The following THRB variants were observed in gnomAD, a reference collection of about 807,000 sequenced individuals.
The protein encoded by THRB is nuclear receptor subfamily 1 group A member 2.
Under a neutral mutation model 47.8 loss-of-function variants are expected in THRB, and 12 were observed. The observed-to-expected ratio is 0.25, with a 90% confidence interval of 0.16 to 0.41. The LOEUF (loss-of-function observed/expected upper bound fraction) is 0.41. Ranked by LOEUF, THRB falls within the 10% of genes least tolerant of loss-of-function variation. The pLI is 1.00. For synonymous variants in THRB, 218 were observed against 212.2 expected (o/e 1.03, Z -0.24); for missense variants, 348 against 589.2 (o/e 0.59, Z 4.24).
At chr3:24,271,327 C>G (rs887086241) in intron 3 of THRB, among the ~76,000 whole-genome samples, 1 of 152,108 alleles carries the variant, frequency 6.6e-6, no homozygotes, top group Non-Finnish European at 1.5e-5. Context: ...TCAGGATCAG[C>G]AGCTCAAAAA....
rs73035997 is a variant in THRB at position 24,165,115 on chromosome 3, G to C, written c.284-12625C>G. On this transcript the variant is annotated intron_variant, in intron 5 of 10. Coordinates refer to ENST00000646209, the MANE Select transcript of THRB (RefSeq NM_001354712.2). ...ATTCAGGTTGGCTGTATTGATTCAG[G>C]GCCATGTCCAAGTCAGAGTCCTTGC... is the stretch of plus-strand genomic sequence containing the variant. The C allele has an allele frequency of 5.1e-3, 3,900 of 764,988 alleles. 40 individuals are homozygous for C. Among genetic ancestry groups the C allele is most frequent in the Non-Finnish European group, 5.6e-3 (2,338 of 417,794 alleles). 47.4% of individuals were successfully genotyped at this position (764,988 alleles called of 1,614,324 possible). A position where few individuals can be genotyped will look rare whatever the true frequency, so the allele number is the denominator to read the frequency against.
At chr3:24,303,414 T>G (rs1179998030) in intron 2 of THRB, among the ~76,000 whole-genome samples, 2 of 152,136 alleles carry the variant, frequency 1.3e-5, no homozygotes, top group Non-Finnish European at 1.5e-5. Context: ...GAAGAGAATA[T>G]GTTGTGGAGT....
chr3:24,208,956 T>G (rs1002699049), intron 4 of THRB, among the ~76,000 whole-genome samples: 3 of 152,188 alleles, frequency 2.0e-5, no homozygotes, highest in Non-Finnish European at 2.9e-5. Context: ...GACAAAGGGC[T>G]AATATCCAGA....
intron 3 of THRB, among the ~76,000 whole-genome samples, chr3:24,276,837 C>T (rs1373711782): frequency 3.3e-5 from 5 of 152,272 alleles, no homozygotes; most frequent in South Asian, 2.1e-4. Flanking sequence ...CTGAATGATA[C>T]GATGTTGGAG....
At chr3:24,386,328 G>T (rs1275777877) in intron 1 of THRB, among the ~76,000 whole-genome samples, 2 of 151,906 alleles carry the variant, frequency 1.3e-5, no homozygotes, top group Non-Finnish European at 2.9e-5. Context: ...AATATTTAGG[G>T]GCCTGCTCCT....
In THRB at chr3:24,127,749, A is replaced by C. The variant is rs2033138266; in HGVS notation, c.894T>G (p.Cys298Trp). The change falls in exon 10 of 11, where the codon TGT becomes TGG. Residue 298 changes from cysteine to tryptophan, a missense_variant. Transcript: ENST00000646209. ...KKLPMFCELP[C>W]EDQIILLKGC... ...CTTTGAGGAGGATGATCTGGTCTTC[A>C]CATGGCAGCTGAAAAGAACCAGTTC... 1 of 1,614,234 alleles carries C rather than the reference A, an allele frequency of 6.2e-7. No homozygotes were observed. Among genetic ancestry groups the C allele is most frequent in the Non-Finnish European group, 8.5e-7 (1 of 1,180,036 alleles).
chr3:24,229,736 G>A (rs1302012749), intron 3 of THRB, among the ~76,000 whole-genome samples: 1 of 152,184 alleles, frequency 6.6e-6, no homozygotes, highest in East Asian at 1.9e-4. Context: ...TGATGAACCT[G>A]GGTCACAGTC....
intron 6 of THRB, among the ~76,000 whole-genome samples, chr3:24,151,988 G>C (rs946374429): frequency 5.3e-5 from 8 of 152,196 alleles, no homozygotes; most frequent in Admixed American, 1.3e-4. Flanking sequence ...GCCTGTGGTA[G>C]AGTAAACTCT....
chr3:24,285,367 G>A (rs2055160603), intron 3 of THRB, among the ~76,000 whole-genome samples: 1 of 148,070 alleles, frequency 6.8e-6, no homozygotes, highest in Non-Finnish European at 1.5e-5. Context: ...TCACTCATAG[G>A]TGGGAATTGA....
chr3:24,464,903 T>C (rs1406808488), intron 1 of THRB, among the ~76,000 whole-genome samples: 1 of 152,182 alleles, frequency 6.6e-6, no homozygotes, highest in African/African-American at 2.4e-5. Flanking sequence ...CATGCTGTTA[T>C]AGTAGTTAAG....
At position 24,360,940 on chromosome 3, in the gene THRB, C is replaced by A. The variant is rs1264317376; in HGVS notation, c.-260-23569G>T. Reference sequence around the variant, plus strand: ...CTCGAACATCAGTATTTTTGAAAAACCACCTCACGTGATTCTATTATGCAG... The same window carrying A: ...CTCGAACATCAGTATTTTTGAAAAAACACCTCACGTGATTCTATTATGCAG... On this transcript the variant is annotated intron_variant, in intron 1 of 10. Coordinates refer to ENST00000646209, the MANE Select transcript of THRB (RefSeq NM_001354712.2). 3.3e-5 allele frequency among the ~76,000 whole-genome samples: 5 copies of A among 152,212 alleles called. No individual in the cohort carries two copies. The South Asian group carries it at 1.0e-3, about 32-fold the overall frequency.
At chr3:24,396,920 T>A (rs1207040564) in intron 1 of THRB, among the ~76,000 whole-genome samples, 2 of 152,126 alleles carry the variant, frequency 1.3e-5, no homozygotes, top group Non-Finnish European at 2.9e-5. Context: ...TATAAAAATG[T>A]TGAATGACCA....
chr3:24,139,358 T>TTTTC (rs373440617), intron 8 of THRB, among the ~76,000 whole-genome samples: 16 of 151,486 alleles, frequency 1.1e-4, no homozygotes, highest in African/African-American at 2.4e-4. Flanking sequence ...CTCTGTTTCT[T>TTTTC]TTTCTTTCTT....
intron 1 of THRB, among the ~76,000 whole-genome samples, chr3:24,351,692 A>G (rs1450664858): frequency 6.6e-6 from 1 of 152,124 alleles, no homozygotes; most frequent in East Asian, 1.9e-4. Flanking sequence ...AATCAGTCAG[A>G]GCAGAGACAG....
At chr3:24,148,253 A>G (rs1157730183) in intron 6 of THRB, among the ~76,000 whole-genome samples, 2 of 152,280 alleles carry the variant, frequency 1.3e-5, no homozygotes, top group African/African-American at 4.8e-5. Flanking sequence ...TAGCATCCAG[A>G]GTAGCTGGGA....
intron 5 of THRB, among the ~76,000 whole-genome samples, chr3:24,180,640 G>A (rs900462091): frequency 2.0e-5 from 3 of 152,208 alleles, no homozygotes; most frequent in Non-Finnish European, 4.4e-5. Context: ...CCCGGGCAGT[G>A]TGGATAGAGG....
chr3:24,226,905 G>A (rs182734465), intron 4 of THRB, among the ~76,000 whole-genome samples: 3 of 152,198 alleles, frequency 2.0e-5, no homozygotes, highest in Admixed American at 2.0e-4. Flanking sequence ...ACACTGTATG[G>A]GCTGCAAAGC....
intron 1 of THRB, among the ~76,000 whole-genome samples, chr3:24,417,096 ACAC>A (rs1560136479): frequency 0.13 from 395 of 2,952 alleles, 2 homozygotes; most frequent in Middle Eastern, 0.25. Flanking sequence ...TTTTAAACCA[ACAC>A]ACACACACAC....
At chr3:24,421,598 C>T (rs1373990179) in intron 1 of THRB, among the ~76,000 whole-genome samples, 2 of 151,862 alleles carry the variant, frequency 1.3e-5, no homozygotes, top group East Asian at 2.0e-4. Flanking sequence ...ACAGTTTCCA[C>T]AGGACGTGCC....
Sources: allele counts gnomAD v4.1 joint callset (sites outside exome capture counted in the v4.1 genomes callset), GRCh38; gene constraint gnomAD v4.1.1; transcripts MANE v1.5; gene names NCBI Gene and HGNC (gene_info 2026-07-23, HGNC 2026-07-21).